The following LMO7 variants were observed in gnomAD, a reference collection of about 807,000 sequenced individuals.
LMO7 encodes LIM domain 7.
In LMO7, 120 loss-of-function variants were observed where a neutral mutation model predicts 206.5. The ratio of observed to expected loss-of-function variants is 0.58; its 90% CI spans 0.50 to 0.68. The LOEUF is 0.68. LMO7 is among the 30% of genes least tolerant of loss of function. The pLI, the probability that LMO7 is intolerant of heterozygous loss-of-function variation, is 0.00. For missense variants in LMO7, 1,959 were observed against 1,957.9 expected (o/e 1.00, Z -0.01); for synonymous variants, 706 against 681.5 (o/e 1.04, Z -0.56).
chr13:75,824,008 T>C (rs760007735), intron 15 of LMO7, 135 bp downstream of exon 15: 14 of 700,814 alleles, frequency 2.0e-5, no homozygotes, highest in Middle Eastern at 4.0e-4. Flanking sequence ...CTGGTTTACT[T>C]TGAACAGATC....
Position 75,833,054 on chromosome 13 carries a change from C to G in LMO7, c.2953C>G (p.Gln985Glu). ...PQREVSRSQD[Q>E]FSDMRISINQ... ...GCGTTTCATGTTTTGTTTTCAGGATCAGTTCAGTGATATGAGAATCAGCAT... is the reference window on the plus strand; with the variant it reads ...GCGTTTCATGTTTTGTTTTCAGGATGAGTTCAGTGATATGAGAATCAGCAT... The change falls in exon 16 of 31, where the codon CAG (glutamine) becomes GAG (glutamate). Residue 985 changes from glutamine (Q) to glutamate (E), a missense_variant. Physicochemically the swap from Gln to Glu is conservative, Grantham distance 29. Transcript: ENST00000377534. The G allele has an allele frequency of 6.3e-7, 1 of 1,582,780 alleles. No individual in the cohort carries two copies.
intron 1 of LMO7, among the ~76,000 whole-genome samples, chr13:75,694,670 A>G (rs1312734042): frequency 6.6e-6 from 1 of 152,126 alleles, no homozygotes; most frequent in African/African-American, 2.4e-5. Context: ...TGTCGGTATC[A>G]TGGTTTCAAC....
chr13:75,807,698 A>G lies in LMO7; in HGVS notation c.1415A>G (p.His472Arg), dbSNP rs1195836293. The change falls in exon 10 of 31, where the codon CAT (histidine) becomes CGT (arginine). Residue 472 changes from histidine to arginine, a missense_variant. Coordinates refer to ENST00000377534, the MANE Select transcript of LMO7 (RefSeq NM_001306080.2). ...TTTGTCAGAAAGACTGGGGCTTTCC[A>G]TGCAAATCCATATGTTCTCCGAGCT... ...DFFVRKTGAF[H>R]ANPYVLRAFE... 6.2e-7 allele frequency: 1 copy of G among 1,614,050 alleles called. No individual in the cohort carries two copies. Among genetic ancestry groups the G allele is most frequent in the Non-Finnish European group, 8.5e-7 (1 of 1,179,902 alleles).
intron 18 of LMO7, among the ~76,000 whole-genome samples, chr13:75,835,634 T>C (rs1023344770): frequency 6.6e-6 from 1 of 152,154 alleles, no homozygotes; most frequent in African/African-American, 2.4e-5. Context: ...TCTCAGATCT[T>C]TGTGAGCATG....
intron 4 of LMO7, among the ~76,000 whole-genome samples, chr13:75,776,162 GATATATATATATAT>G (rs58964680): frequency 0.02 from 729 of 36,856 alleles, 47 homozygotes; most frequent in Admixed American, 0.11. Flanking sequence ...ATATATATCG[GATATATATATATAT>G]ATATATATAT....
chr13:75,724,538 C>T (rs1399700450), intron 2 of LMO7, among the ~76,000 whole-genome samples: 4 of 152,120 alleles, frequency 2.6e-5, no homozygotes, highest in African/African-American at 9.7e-5. Context: ...TTGAAGATTG[C>T]TTATTATGCA....
intron 1 of LMO7, among the ~76,000 whole-genome samples, chr13:75,683,078 T>C (rs2040682325): frequency 6.6e-6 from 1 of 151,074 alleles, no homozygotes; most frequent in Non-Finnish European, 1.5e-5. Context: ...TTTTTTTTTT[T>C]GAGATGGAGT....
Position 75,840,807 on chromosome 13 carries a change from T to C in LMO7, c.3583-302T>C, listed in dbSNP as rs528514133. On this transcript the variant is annotated intron_variant, in intron 22 of 30. Transcript: ENST00000377534. The stretch of plus-strand genomic sequence containing the variant: ...TCCCATAAACTGTTTGCTGGGTCCA[T>C]TGCAGAGTAATTCAGCCCCCGCTTA... 3.3e-5 allele frequency among the ~76,000 whole-genome samples: 5 copies of C among 152,272 alleles called. No individual in the cohort carries two copies. In the South Asian group the frequency reaches 1.0e-3, roughly 32 times the overall value.
chr13:75,643,679 A>C lies in LMO7; in HGVS notation c.69+6953A>C, dbSNP rs75412174. Among the ~76,000 whole-genome samples the C allele has an allele frequency of 3.3e-5, 5 of 152,338 alleles. No homozygotes were observed. The East Asian group carries it at 9.6e-4, about 29-fold the overall frequency. On this transcript the variant is annotated intron_variant, in intron 1 of 30. Coordinates refer to ENST00000377534, the MANE Select transcript of LMO7 (RefSeq NM_001306080.2). ...TTTGAAAACATGTTTGATGTAGTCA[A>C]AGCTCTTAATAGGGATAATAGCTGT...
chr13:75,723,158 C>T (rs944186262), intron 2 of LMO7, among the ~76,000 whole-genome samples: 1 of 151,668 alleles, frequency 6.6e-6, no homozygotes, highest in Non-Finnish European at 1.5e-5. Flanking sequence ...ACCACCTGTT[C>T]CCCAGAAATC....
intron 4 of LMO7, among the ~76,000 whole-genome samples, chr13:75,762,143 C>T (rs1025049719): frequency 1.3e-5 from 2 of 152,122 alleles, no homozygotes; most frequent in Non-Finnish European, 2.9e-5. Flanking sequence ...TGTTTTGAAC[C>T]TGCTTCTAGT....
rs556653552 is a variant in LMO7 at position 75,800,562 on chromosome 13, T to G, written c.463-122T>G. 2.1e-5 allele frequency: 17 copies of G among 820,516 alleles called. No homozygotes were observed. The African/African-American group carries it at 2.9e-4, about 14-fold the overall frequency. 50.8% of individuals were successfully genotyped at this position (820,516 alleles called of 1,614,324 possible). A position where few individuals can be genotyped will look rare whatever the true frequency, so the allele number is the denominator to read the frequency against. Reference sequence around the variant, plus strand: ...TTTTGCTGTGTCCGACAGAGAAACCTCATGCCTTACATGTCAAATAAAACC... The same window carrying G: ...TTTTGCTGTGTCCGACAGAGAAACCGCATGCCTTACATGTCAAATAAAACC... On this transcript the variant is annotated intron_variant, in intron 6 of 30. Transcript: ENST00000377534.
At position 75,759,084 on chromosome 13, in the gene LMO7, T is replaced by TGA. The variant is rs1162533452; in HGVS notation, c.211-1840_211-1839dup. 4.6e-5 allele frequency among the ~76,000 whole-genome samples: 7 copies of TGA among 152,158 alleles called. No individual in the cohort carries two copies. In the East Asian group the frequency reaches 1.4e-3, roughly 29 times the overall value. ...CAGACATGTCTTACATGGTGACAGG[T>TGA]GAGAGAGAGCGAAGGGGGAAGAGCT... On this transcript the variant is annotated intron_variant, in intron 3 of 30. Transcript: ENST00000377534.
At chr13:75,796,513 G>T (rs2054030713) in intron 5 of LMO7, 123 bp from the exon 6 acceptor site, 1 of 604,398 alleles carries the variant, frequency 1.7e-6, no homozygotes, top group African/African-American at 1.9e-5. Context: ...TTAAAAGAAA[G>T]TCTACTTTTC....
At chr13:75,760,636 C>T in intron 3 of LMO7, 1 of 1,466,186 alleles carries the variant, frequency 6.8e-7, no homozygotes. Flanking sequence ...TAGATTACTG[C>T]TCAGTGGCTA....
intron 25 of LMO7, 30 bp from the exon 26 acceptor site, chr13:75,845,297 A>T (rs1254019102): frequency 8.6e-7 from 1 of 1,162,086 alleles, no homozygotes; most frequent in African/African-American, 1.6e-5. Context: ...TTAATGAGAC[A>T]TATTTAATAT....
intron 1 of LMO7, among the ~76,000 whole-genome samples, chr13:75,700,784 A>G (rs2137897399): frequency 6.6e-6 from 1 of 152,338 alleles, no homozygotes; most frequent in African/African-American, 2.4e-5. Flanking sequence ...ACAGAGGGGG[A>G]CACAGCAGAA....
At chr13:75,684,673 T>C (rs908865527) in intron 1 of LMO7, among the ~76,000 whole-genome samples, 1 of 151,884 alleles carries the variant, frequency 6.6e-6, no homozygotes, top group South Asian at 2.1e-4. Flanking sequence ...GGGGGAGGCT[T>C]CGAAATCCTG....
chr13:75,820,858 G>A lies in LMO7; in HGVS notation c.2208-319G>A, dbSNP rs2057498172. Among the ~76,000 whole-genome samples the A allele has an allele frequency of 2.6e-5, 4 of 152,068 alleles. No individual in the cohort carries two copies. The South Asian group carries it at 8.3e-4, about 32-fold the overall frequency. On this transcript the variant is annotated intron_variant, in intron 13 of 30. Coordinates refer to ENST00000377534, the MANE Select transcript of LMO7 (RefSeq NM_001306080.2). ...AAATTAAAAGAAAAATTAGCTGGGT[G>A]TGGTGGCGCATGCCCGTAATCCCAG... is the stretch of plus-strand genomic sequence containing the variant.
Sources: allele counts gnomAD v4.1 joint callset (sites outside exome capture counted in the v4.1 genomes callset), GRCh38; gene constraint gnomAD v4.1.1; transcripts MANE v1.5; gene names NCBI Gene and HGNC (gene_info 2026-07-23, HGNC 2026-07-21).